Variants in DLGAP2 observed in about 807,000 individuals in gnomAD.
The protein encoded by DLGAP2 is disks large-associated protein 2.
In DLGAP2, 26 loss-of-function variants were observed where a neutral mutation model predicts 100.3. The observed-to-expected ratio is 0.26, with a 90% confidence interval of 0.19 to 0.36. DLGAP2 has a LOEUF of 0.36. Among genes scored for constraint, DLGAP2 ranks in the 10% least tolerant of loss-of-function variants. DLGAP2 has a pLI of 1.00. For missense variants in DLGAP2, 1,858 were observed against 1,453.2 expected, an observed-to-expected ratio of 1.28 and a Z score of -4.53; for synonymous variants, 886 against 630.1, an observed-to-expected ratio of 1.41 and a Z score of -6.08.
chr8:968,517 C>A (rs190535345), intron 2 of DLGAP2, among the ~76,000 whole-genome samples: 1 of 152,186 alleles, frequency 6.6e-6, no homozygotes, highest in Non-Finnish European at 1.5e-5. Context: ...TACTAGAAGA[C>A]GGGGCTCCCT....
intron 3 of DLGAP2, among the ~76,000 whole-genome samples, chr8:1,474,821 G>A (rs1404483464): frequency 1.3e-5 from 2 of 152,340 alleles, no homozygotes; most frequent in East Asian, 3.9e-4. Flanking sequence ...AAAGCAGTTT[G>A]TAGATTTCTC....
intron 3 of DLGAP2, among the ~76,000 whole-genome samples, chr8:1,451,438 C>T (rs886651035): frequency 1.3e-5 from 2 of 152,124 alleles, no homozygotes; most frequent in Non-Finnish European, 2.9e-5. Flanking sequence ...ATCCATCAGC[C>T]CAGCACGCTC....
At chr8:1,425,733 A>G (rs528061831) in intron 3 of DLGAP2, among the ~76,000 whole-genome samples, 5 of 152,252 alleles carry the variant, frequency 3.3e-5, no homozygotes, top group East Asian at 3.9e-4. Context: ...ATGAACCAAG[A>G]TAAGGACGTC....
intron 2 of DLGAP2, 49 bp downstream of exon 2, chr8:908,015 T>A (rs1399523231): frequency 1.0e-5 from 4 of 398,736 alleles, no homozygotes; most frequent in Non-Finnish European, 1.8e-5. Flanking sequence ...TTCGTATCAG[T>A]GGCAAAAGTG....
At chr8:909,633 A>G (rs1272774679) in intron 2 of DLGAP2, among the ~76,000 whole-genome samples, 4 of 152,204 alleles carry the variant, frequency 2.6e-5, no homozygotes, top group African/African-American at 9.7e-5. Context: ...TAGCCGGGCA[A>G]TTTCCTCAAA....
At chr8:1,063,381 C>T (rs1032345547) in intron 2 of DLGAP2, among the ~76,000 whole-genome samples, 2 of 152,104 alleles carry the variant, frequency 1.3e-5, no homozygotes, top group African/African-American at 2.4e-5. Context: ...CCCGAGGTCT[C>T]GGGGTTGTAC....
chr8:1,027,432 G>T (rs932376679), intron 2 of DLGAP2, among the ~76,000 whole-genome samples: 1 of 150,838 alleles, frequency 6.6e-6, no homozygotes, highest in Non-Finnish European at 1.5e-5. Flanking sequence ...TTATTCTCCA[G>T]GTGCGGTGCC....
chr8:977,671 C>T (rs1002246253), intron 2 of DLGAP2, among the ~76,000 whole-genome samples: 4 of 152,232 alleles, frequency 2.6e-5, no homozygotes, highest in African/African-American at 9.6e-5. Context: ...AGAACATTTT[C>T]CCTGTTATAG....
chr8:913,918 C>T (rs1007344010), intron 2 of DLGAP2, among the ~76,000 whole-genome samples: 9 of 152,152 alleles, frequency 5.9e-5, no homozygotes, highest in African/African-American at 1.7e-4. Flanking sequence ...CCCGGAGCCC[C>T]GGGACTGAGA....
At chr8:1,425,530 A>T (rs1183641533) in intron 3 of DLGAP2, among the ~76,000 whole-genome samples, 4 of 152,170 alleles carry the variant, frequency 2.6e-5, no homozygotes, top group Admixed American at 1.3e-4. Flanking sequence ...AGCTGAGTGC[A>T]TCCCTGCAGG....
intron 3 of DLGAP2, among the ~76,000 whole-genome samples, chr8:1,288,006 TTC>T (rs1799979491): frequency 2.7e-5 from 3 of 109,486 alleles, no homozygotes; most frequent in African/African-American, 3.8e-5. Context: ...GTTTGTGTGG[TTC>T]TGTTAGGGGG....
At chr8:1,581,228 A>T (rs1227838279) in intron 6 of DLGAP2, among the ~76,000 whole-genome samples, 1 of 150,756 alleles carries the variant, frequency 6.6e-6, no homozygotes, top group Non-Finnish European at 1.5e-5. Flanking sequence ...TGAAGGATAC[A>T]GACAAAACCC....
chr8:1,266,616 G>A (rs1799456037), intron 3 of DLGAP2, among the ~76,000 whole-genome samples: 1 of 152,140 alleles, frequency 6.6e-6, no homozygotes, highest in Non-Finnish European at 1.5e-5. Context: ...AACCACATAT[G>A]AAATATGCAC....
At chr8:1,243,979 T>G (rs1460545241) in intron 2 of DLGAP2, among the ~76,000 whole-genome samples, 1 of 151,950 alleles carries the variant, frequency 6.6e-6, no homozygotes, top group Non-Finnish European at 1.5e-5. Context: ...CACTCCACCA[T>G]AGGGATGGTG....
intron 2 of DLGAP2, among the ~76,000 whole-genome samples, chr8:1,255,025 T>C (rs545307285): frequency 6.1e-4 from 73 of 118,920 alleles, no homozygotes; most frequent in African/African-American, 2.2e-3. Context: ...TGTGTGTGTG[T>C]CTTCTCCTGC....
chr8:1,463,706 C>T (rs1434645855), intron 3 of DLGAP2, among the ~76,000 whole-genome samples: 1 of 152,252 alleles, frequency 6.6e-6, no homozygotes, highest in Non-Finnish European at 1.5e-5. Context: ...GACTTGCTGA[C>T]CAGGCACTGG....
intron 4 of DLGAP2, among the ~76,000 whole-genome samples, chr8:1,511,866 C>T (rs531641978): frequency 6.6e-6 from 1 of 152,328 alleles, no homozygotes; most frequent in South Asian, 2.1e-4. Context: ...AGGTGAACCC[C>T]AAAATCTGTT....
At chr8:1,283,196 C>T (rs924076278) in intron 3 of DLGAP2, among the ~76,000 whole-genome samples, 36 of 146,806 alleles carry the variant, frequency 2.5e-4, no homozygotes, top group African/African-American at 8.9e-4. Flanking sequence ...GTGAACCATC[C>T]AGACGTGGTG....
In DLGAP2 at chr8:763,902, A is replaced by T. The variant is rs114665489; in HGVS notation, c.18+26077A>T. On this transcript the variant is annotated intron_variant, in intron 1 of 14. Transcript: ENST00000637795. ...TATTTAAAACAGTATTTAGAATTAA[A>T]CAGAAAGTGACGGCCTCATAAAGTG... 6.8e-3 allele frequency among the ~76,000 whole-genome samples: 1,031 copies of T among 152,326 alleles called. 11 individuals are homozygous for T. The highest frequency in any genetic ancestry group is 0.024 in the African/African-American group (978 of 41,564).
Sources: gnomAD v4.1 joint callset for allele counts (sites outside exome capture counted in the v4.1 genomes callset) on GRCh38, gnomAD v4.1.1 for gene constraint, MANE v1.5 for transcripts, NCBI Gene and HGNC (gene_info 2026-07-23, HGNC 2026-07-21) for gene names.